TBXAS1: variants seen among roughly 807,000 people sequenced by gnomAD.
TBXAS1 encodes thromboxane A synthase 1.
TBXAS1 carries 48 observed loss-of-function variants against 60.7 expected under a neutral mutation model. The observed-to-expected ratio is 0.79, with a 90% CI of 0.63 to 1.01. The LOEUF is 1.01. TBXAS1 is among the 50% of genes least tolerant of loss of function. The pLI is 0.00. For missense variants in TBXAS1, 685 were observed against 686.3 expected (o/e 1.00, Z 0.02); for synonymous variants, 287 against 269.7 (o/e 1.06, Z -0.63).
At chr7:139,846,050 G>A (rs972216294) in intron 1 of TBXAS1, among the ~76,000 whole-genome samples, 2 of 151,864 alleles carry the variant, frequency 1.3e-5, no homozygotes, top group Admixed American at 1.3e-4. Context: ...GGGAACTCTG[G>A]ATCTTAATAA....
intron 5 of TBXAS1, among the ~76,000 whole-genome samples, chr7:139,946,633 G>C (rs1200676528): frequency 1.3e-5 from 2 of 152,152 alleles, no homozygotes; most frequent in Non-Finnish European, 2.9e-5. Flanking sequence ...GAAAAGAGAA[G>C]AGAATGATTC....
chr7:139,965,389 G>A (rs1810703161), intron 9 of TBXAS1, among the ~76,000 whole-genome samples: 1 of 152,134 alleles, frequency 6.6e-6, no homozygotes, highest in Admixed American at 6.5e-5. Flanking sequence ...TGACCTCAGG[G>A]GTTCCGATTC....
At chr7:139,887,110 A>T (rs1452508037) in intron 3 of TBXAS1, among the ~76,000 whole-genome samples, 1 of 152,166 alleles carries the variant, frequency 6.6e-6, no homozygotes, top group Non-Finnish European at 1.5e-5. Context: ...TCATATGAGT[A>T]GGTGGGATGG....
At chr7:139,922,183 C>A (rs779208088) in intron 4 of TBXAS1, among the ~76,000 whole-genome samples, 19 of 151,308 alleles carry the variant, frequency 1.3e-4, no homozygotes, top group Non-Finnish European at 2.2e-4. Flanking sequence ...CTCACTACAA[C>A]CTCTGCCTCC....
chr7:139,878,709 T>C (rs1179594175), intron 3 of TBXAS1, among the ~76,000 whole-genome samples: 1 of 152,260 alleles, frequency 6.6e-6, no homozygotes, highest in Admixed American at 6.5e-5. Context: ...TGGACTATGC[T>C]CAATGAACAG....
intron 4 of TBXAS1, among the ~76,000 whole-genome samples, chr7:139,823,165 C>A (rs138228298): frequency 1.3e-4 from 19 of 151,694 alleles, no homozygotes; most frequent in South Asian, 2.1e-4. Flanking sequence ...AACCTTTTGC[C>A]GATCTCCTGT....
intron 5 of TBXAS1, among the ~76,000 whole-genome samples, chr7:139,944,445 C>T (rs888891289): frequency 7.2e-5 from 11 of 152,200 alleles, no homozygotes; most frequent in African/African-American, 2.7e-4. Flanking sequence ...GTGCACACTT[C>T]ACTAGAGCTC....
chr7:140,014,395 G>C (rs1814855133), intron 10 of TBXAS1, among the ~76,000 whole-genome samples: 1 of 152,194 alleles, frequency 6.6e-6, no homozygotes, highest in Admixed American at 6.5e-5. Context: ...GTAGAAATTG[G>C]AACCTGGGGT....
At chr7:139,951,986 GA>G (rs1809425344) in intron 5 of TBXAS1, among the ~76,000 whole-genome samples, 1 of 147,476 alleles carries the variant, frequency 6.8e-6, no homozygotes, top group Non-Finnish European at 1.5e-5. Flanking sequence ...AAGAAAGAAA[GA>G]AAGAAAGAAA....
intron 1 of TBXAS1, among the ~76,000 whole-genome samples, chr7:139,850,842 G>T (rs1569500812): frequency 6.6e-6 from 1 of 152,174 alleles, no homozygotes; most frequent in African/African-American, 2.4e-5. Flanking sequence ...ACCATGGATT[G>T]CCAGCAACTA....
At chr7:139,878,110 A>T (rs573644232) in intron 3 of TBXAS1, among the ~76,000 whole-genome samples, 2,339 of 138,556 alleles carry the variant, frequency 0.017, 32 homozygotes, top group African/African-American at 0.042. Context: ...TGTGTGTGTG[A>T]GAGAGAGAGA....
At chr7:139,873,716 T>C (rs867142840) in intron 2 of TBXAS1, among the ~76,000 whole-genome samples, 3 of 152,160 alleles carry the variant, frequency 2.0e-5, no homozygotes, top group South Asian at 4.1e-4. Flanking sequence ...CAACAGACAT[T>C]TGTAGATATA....
rs1395861137 is a variant in TBXAS1, at chr7:139,999,705, C to T, written c.1135-7386C>T. On this transcript the variant is annotated intron_variant, in intron 9 of 12. Coordinates refer to ENST00000448866, the MANE Select transcript of TBXAS1 (RefSeq NM_001061.7). This position sits in a 1 kb window ranked among gnomAD's most constrained non-coding sequence, Gnocchi z 4.3. ...TGTATTGCCCCAAGCTGTCCTCGTGCTTAAGGGATTTCCAGCTCCGGCTTC... is the reference window on the plus strand; with the variant it reads ...TGTATTGCCCCAAGCTGTCCTCGTGTTTAAGGGATTTCCAGCTCCGGCTTC... Among the ~76,000 whole-genome samples the T allele has an allele frequency of 6.6e-6, 1 of 152,152 alleles. No homozygotes were observed. The highest frequency in any genetic ancestry group is 1.9e-4 in the East Asian group (1 of 5,202).
intron 1 of TBXAS1, among the ~76,000 whole-genome samples, chr7:139,862,307 G>A (rs761064495): frequency 2.6e-5 from 4 of 152,208 alleles, no homozygotes; most frequent in Non-Finnish European, 4.4e-5. Context: ...AATCTTTGAG[G>A]CAGGAGGAGT....
intron 4 of TBXAS1, among the ~76,000 whole-genome samples, chr7:139,924,611 C>T (rs929964229): frequency 6.6e-6 from 1 of 152,078 alleles, no homozygotes; most frequent in African/African-American, 2.4e-5. Context: ...TGGCTTGTCT[C>T]TTCACTTTGC....
intron 1 of TBXAS1, among the ~76,000 whole-genome samples, chr7:139,839,676 C>CAAAAAAAAAA (rs1297739214): frequency 1.1e-5 from 1 of 89,312 alleles, no homozygotes; most frequent in Non-Finnish European, 2.4e-5. Context: ...CTGCTTCTAC[C>CAAAAAAAAAA]AAAAAAAAAA....
chr7:139,996,738 T>C (rs1160307795), intron 9 of TBXAS1, among the ~76,000 whole-genome samples: 1 of 152,240 alleles, frequency 6.6e-6, no homozygotes, highest in Non-Finnish European at 1.5e-5. Flanking sequence ...TGATAATCCC[T>C]TGGGGGACTT....
At chr7:139,905,005 C>CTCTTTCTTTCTTTTCTT (rs1804892436) in intron 3 of TBXAS1, among the ~76,000 whole-genome samples, 1 of 90,420 alleles carries the variant, frequency 1.1e-5, no homozygotes. Context: ...CTCTCTTTCT[C>CTCTTTCTTTCTTTTCTT]TCTTTCTTTC....
chr7:139,905,057 T>TTCTTTCTTTCTTTCTTTC (rs1247644902), intron 3 of TBXAS1, among the ~76,000 whole-genome samples: 5 of 107,492 alleles, frequency 4.7e-5, no homozygotes, highest in Non-Finnish European at 9.1e-5. Context: ...CTTTCTTTCT[T>TTCTTTCTTTCTTTCTTTC]TCTCTCTCTC....
Sources: gnomAD v4.1 joint callset for allele counts (sites outside exome capture counted in the v4.1 genomes callset) on GRCh38, gnomAD v4.1.1 for gene constraint, Gnocchi (gnomAD v3.1) non-coding constraint, MANE v1.5 for transcripts, NCBI Gene and HGNC (gene_info 2026-07-23, HGNC 2026-07-21) for gene names.